Variants in ATXN10 observed in about 807,000 individuals in gnomAD.
The protein encoded by ATXN10 is ataxin-10.
In ATXN10, 28 loss-of-function variants were observed where a neutral mutation model predicts 52.9. That is an observed-to-expected ratio of 0.53 (90% CI 0.39 to 0.73). The LOEUF (loss-of-function observed/expected upper bound fraction) is 0.73. Ranked by LOEUF, ATXN10 falls within the 30% of genes least tolerant of loss-of-function variation. The pLI is 0.00. For missense variants in ATXN10, 565 were observed against 577.0 expected (o/e 0.98, Z 0.21); for synonymous variants, 226 against 221.5 (o/e 1.02, Z -0.18).
In ATXN10 at chr22:45,787,624, C is replaced by G. The variant is rs1056629148; in HGVS notation, c.1174-19335C>G. On this transcript the variant is annotated intron_variant, in intron 9 of 11. Coordinates refer to ENST00000252934, the MANE Select transcript of ATXN10 (RefSeq NM_013236.4). The surrounding 1 kb of genome is among the most constrained non-coding windows in gnomAD (Gnocchi z 4.2). ...TTTGGTGGCTCTTCCCATATCCCAG[C>G]TTTGGACAGAATAGTCAGTTGGAAT... is the stretch of plus-strand genomic sequence containing the variant. Among the ~76,000 whole-genome samples, 5 of 152,164 alleles carry G rather than the reference C, an allele frequency of 3.3e-5. No individual in the cohort carries two copies. The highest frequency in any genetic ancestry group is 1.2e-4 in the African/African-American group (5 of 41,430).
chr22:45,698,870 A>G lies in ATXN10; in HGVS notation c.392-1412A>G, dbSNP rs1040092884. Among the ~76,000 whole-genome samples, 15 of 152,298 alleles carry G rather than the reference A, an allele frequency of 9.8e-5. No individual in the cohort carries two copies. The South Asian group carries it at 2.5e-3, about 25-fold the overall frequency. On this transcript the variant is annotated intron_variant, in intron 3 of 11. Transcript: ENST00000252934. ...AAACCTAATACAAATAATCTTTTAA[A>G]AAGTATTCTGGTTCCTAACAAAGCG...
chr22:45,792,725 A>T, intron 9 of ATXN10: 1 of 406,252 alleles, frequency 2.5e-6, no homozygotes, highest in South Asian at 2.1e-5. Context: ...AGTCTTTTTT[A>T]TTTTTAACTA....
intron 5 of ATXN10, among the ~76,000 whole-genome samples, chr22:45,713,168 A>G (rs893178705): frequency 3.3e-5 from 5 of 152,134 alleles, no homozygotes; most frequent in Middle Eastern, 3.4e-3. Flanking sequence ...GTCTGTTGGC[A>G]TGTGCTCCTC....
rs775312837 is a variant in ATXN10, at chr22:45,775,253, A to C, written c.1174-31706A>C. 1.3e-5 allele frequency among the ~76,000 whole-genome samples: 2 copies of C among 152,278 alleles called. No individual in the cohort carries two copies. The highest frequency in any genetic ancestry group is 4.8e-5 in the African/African-American group (2 of 41,566). ...GGAGGGCTGGACATAACAGGAGGCT[A>C]CTGGTCCTGGGCATGGGGCTGTGTC... is the stretch of plus-strand genomic sequence containing the variant. On this transcript the variant is annotated intron_variant, in intron 9 of 11. Coordinates refer to ENST00000252934, the MANE Select transcript of ATXN10 (RefSeq NM_013236.4). The surrounding 1 kb of genome is among the most constrained non-coding windows in gnomAD (Gnocchi z 4.7).
At chr22:45,689,640 A>T (rs1923291831) in intron 1 of ATXN10, 72 bp from the exon 2 acceptor site, 1 of 1,379,312 alleles carries the variant, frequency 7.2e-7, no homozygotes, top group Non-Finnish European at 1.0e-6. Flanking sequence ...AGATAAAAGC[A>T]GTTTTCTGAA....
chr22:45,672,256 C>T (rs1052550591), intron 1 of ATXN10, 77 bp downstream of exon 1: 3 of 1,270,030 alleles, frequency 2.4e-6, no homozygotes, highest in South Asian at 2.4e-5. Flanking sequence ...GGCCTGGACC[C>T]AGGCGCCGCC....
intron 3 of ATXN10, among the ~76,000 whole-genome samples, chr22:45,697,710 G>C (rs577610544): frequency 6.6e-6 from 1 of 152,046 alleles, no homozygotes; most frequent in Non-Finnish European, 1.5e-5. Flanking sequence ...GCTCACTGCA[G>C]GCTCCGCCCC....
At position 45,805,244 on chromosome 22, in the gene ATXN10, A is replaced by G. The variant is rs1214290671; in HGVS notation, c.1174-1715A>G. ...AGATTGTGGAGATGCTGGAACCCTC[A>G]TAAATTGCTGGGTGAAAATGTAAAA... On this transcript the variant is annotated intron_variant, in intron 9 of 11. Transcript: ENST00000252934. The surrounding 1 kb of genome is among the most constrained non-coding windows in gnomAD (Gnocchi z 4.4). Among the ~76,000 whole-genome samples the G allele has an allele frequency of 6.6e-6, 1 of 152,232 alleles. No homozygotes were observed. Among genetic ancestry groups the G allele is most frequent in the Non-Finnish European group, 1.5e-5 (1 of 68,042 alleles).
At position 45,841,204 on chromosome 22, in the gene ATXN10, C is replaced by G. The variant is rs1217956207; in HGVS notation, c.1238-1787C>G. ...AAGGAAATGCAGCCATATAAAGGAC[C>G]TGGACTTTGTCACGAGAGAATGACA... On this transcript the variant is annotated intron_variant, in intron 10 of 11. Transcript: ENST00000252934. The surrounding 1 kb of genome is among the most constrained non-coding windows in gnomAD (Gnocchi z 5.1). 6.6e-6 allele frequency among the ~76,000 whole-genome samples: 1 copy of G among 152,214 alleles called. No individual in the cohort carries two copies. Among genetic ancestry groups the G allele is most frequent in the Non-Finnish European group, 1.5e-5 (1 of 68,044 alleles).
In ATXN10 at chr22:45,786,006, T is replaced by A. The variant is rs1927311797; in HGVS notation, c.1174-20953T>A. Among the ~76,000 whole-genome samples the A allele has an allele frequency of 6.6e-6, 1 of 152,250 alleles. No homozygotes were observed. On this transcript the variant is annotated intron_variant, in intron 9 of 11. Transcript: ENST00000252934. This position sits in a 1 kb window ranked among gnomAD's most constrained non-coding sequence, Gnocchi z 4.1. ...TTCACCAAATTTTTTTTTCATCTTG[T>A]AATCAGAAATATAGCTAGCTTCTTA...
chr22:45,674,223 C>A (rs2146719326), intron 1 of ATXN10: 1 of 152,182 alleles, frequency 6.6e-6, no homozygotes, highest in South Asian at 2.1e-4. Flanking sequence ...CTGAGAGATA[C>A]AAGGTTGAAT....
At chr22:45,836,641 G>T (rs1929177364) in intron 10 of ATXN10, among the ~76,000 whole-genome samples, 1 of 152,186 alleles carries the variant, frequency 6.6e-6, no homozygotes, top group Admixed American at 6.5e-5. Flanking sequence ...GTGAGATGGG[G>T]TGAGGAGGTT....
intron 1 of ATXN10, chr22:45,675,054 G>T (rs1922627848): frequency 6.6e-6 from 1 of 152,198 alleles, no homozygotes; most frequent in Non-Finnish European, 1.5e-5. Context: ...TTGAGGATCT[G>T]TAATATTATA....
At position 45,678,220 on chromosome 22, in the gene ATXN10, C is replaced by T. The variant is rs564136692; in HGVS notation, c.116+6041C>T. 6.6e-6 allele frequency: 1 copy of T among 152,116 alleles called. No individual in the cohort carries two copies. Among genetic ancestry groups the T allele is most frequent in the East Asian group, 1.9e-4 (1 of 5,178 alleles). 9.4% of individuals were successfully genotyped at this position (152,116 alleles called of 1,614,324 possible). ...TGTAGACTTAAAATGAACAACATGG[C>T]AAATTTTATGTTATATATATGTATT... On this transcript the variant is annotated intron_variant, in intron 1 of 11. Coordinates refer to ENST00000252934, the MANE Select transcript of ATXN10 (RefSeq NM_013236.4). This position sits in a 1 kb window ranked among gnomAD's most constrained non-coding sequence, Gnocchi z 4.1.
intron 6 of ATXN10, among the ~76,000 whole-genome samples, chr22:45,729,127 T>C (rs1373211769): frequency 1.3e-5 from 2 of 152,228 alleles, no homozygotes; most frequent in South Asian, 2.1e-4. Flanking sequence ...GATGTGTTCA[T>C]ACAAAAAACT....
chr22:45,762,249 C>G lies in ATXN10; in HGVS notation c.1173+21711C>G, dbSNP rs11705403. ...TTGTCTGTTTCCCCTGACCAGCGTG[C>G]GTTTCTTTCTGGAGGCGCAGGGACC... On this transcript the variant is annotated intron_variant, in intron 9 of 11. Transcript: ENST00000252934. The surrounding 1 kb of genome is among the most constrained non-coding windows in gnomAD (Gnocchi z 4.3). 3.3e-3 allele frequency among the ~76,000 whole-genome samples: 505 copies of G among 152,260 alleles called. 3 individuals are homozygous for G. Among genetic ancestry groups the G allele is most frequent in the Non-Finnish European group, 5.7e-3 (391 of 68,012 alleles).
chr22:45,709,974 A>G (rs1924183242), intron 5 of ATXN10, among the ~76,000 whole-genome samples: 1 of 152,224 alleles, frequency 6.6e-6, no homozygotes, highest in Non-Finnish European at 1.5e-5. Flanking sequence ...ACATTCACCT[A>G]CTTCATGCCT....
Position 45,795,424 on chromosome 22 carries a change from T to TATTCTATTCTATTC in ATXN10, c.1174-11535_1174-11534insATTCTATTCTATTC, listed in dbSNP as rs1555896219. Reference sequence around the variant, plus strand: ...TATTCTATTCTATTCTATTCTATTCTTTTTGAGATGAAGTCTCTCTATGTT... The same window carrying TATTCTATTCTATTC: ...TATTCTATTCTATTCTATTCTATTCTATTCTATTCTATTCTTTTGAGATGAAGTCTCTCTATGTT... On this transcript the variant is annotated intron_variant, in intron 9 of 11. Transcript: ENST00000252934. This position sits in a 1 kb window ranked among gnomAD's most constrained non-coding sequence, Gnocchi z 4.6. 2.0e-5 allele frequency among the ~76,000 whole-genome samples: 3 copies of TATTCTATTCTATTC among 147,454 alleles called. No individual in the cohort carries two copies. The highest frequency in any genetic ancestry group is 2.0e-4 in the East Asian group (1 of 5,100).
At position 45,770,945 on chromosome 22, in the gene ATXN10, G is replaced by C. The variant is rs1430815538; in HGVS notation, c.1173+30407G>C. Among the ~76,000 whole-genome samples the C allele has an allele frequency of 6.6e-6, 1 of 152,184 alleles. No individual in the cohort carries two copies. Among genetic ancestry groups the C allele is most frequent in the South Asian group, 2.1e-4 (1 of 4,822 alleles). On this transcript the variant is annotated intron_variant, in intron 9 of 11. Transcript: ENST00000252934. The surrounding 1 kb of genome is among the most constrained non-coding windows in gnomAD (Gnocchi z 4.5). Reference sequence around the variant, plus strand: ...GAGCCTTCTCAGAGAGAAGAACCCAGATCCATCCTGGGAGCACTCGAGGCC... The same window carrying C: ...GAGCCTTCTCAGAGAGAAGAACCCACATCCATCCTGGGAGCACTCGAGGCC...
Sources: allele counts gnomAD v4.1 joint callset (sites outside exome capture counted in the v4.1 genomes callset), GRCh38; gene constraint gnomAD v4.1.1; non-coding constraint Gnocchi (gnomAD v3.1); transcripts MANE v1.5; gene names NCBI Gene and HGNC (gene_info 2026-07-23, HGNC 2026-07-21).